Variants in SMG1 observed in about 807,000 individuals in gnomAD.
SMG1 encodes the protein SMG1 nonsense mediated mRNA decay associated PI3K related kinase, also known as serine/threonine-protein kinase SMG1.
SMG1 carries 22 observed loss-of-function variants against 419.9 expected under a neutral mutation model. The ratio of observed to expected loss-of-function variants is 0.05; its 90% confidence interval spans 0.04 to 0.07. The LOEUF is 0.07. SMG1 is among the 10% of genes least tolerant of loss of function. SMG1 has a pLI of 1.00. For missense variants in SMG1, 3,185 were observed against 4,342.0 expected (o/e 0.73, Z 7.49); for synonymous variants, 1,538 against 1,553.5 (o/e 0.99, Z 0.23).
chr16:18,869,448 T>TC, intron 19 of SMG1, 145 bp from the exon 20 acceptor site: 1 of 686,316 alleles, frequency 1.5e-6, no homozygotes, highest in South Asian at 1.9e-5. Flanking sequence ...AAGCATTGTG[T>TC]CCCCCCTCTC....
chr16:18,925,463 C>G (rs2038355159), intron 1 of SMG1: 1 of 154,074 alleles, frequency 6.5e-6, no homozygotes. Context: ...AATGCCTTAG[C>G]TGGAGTTTTG....
chr16:18,874,956 T>C (rs1416436015), intron 13 of SMG1: 1 of 142,140 alleles, frequency 7.0e-6, no homozygotes, highest in Non-Finnish European at 1.5e-5. Flanking sequence ...GTATCCCTCA[T>C]TCATAATGCT....
rs1285055615 is a variant in SMG1 at position 18,827,558 on chromosome 16, C to A, written c.9741+473G>T. On this transcript the variant is annotated intron_variant, in intron 55 of 62. Transcript: ENST00000446231. The stretch of plus-strand genomic sequence containing the variant: ...TACCAAAATATATTTTTTTATATAT[C>A]TTTGGTATAAATATACCAAAATATA... 2.3e-4 allele frequency among the ~76,000 whole-genome samples: 30 copies of A among 129,916 alleles called. 2 individuals are homozygous for A. The highest frequency in any genetic ancestry group is 6.6e-4 in the African/African-American group (21 of 31,974). The allele number at this position is 129,916 out of a possible 152,430, so 85.2% of individuals were successfully genotyped here. A position where few individuals can be genotyped will look rare whatever the true frequency, so the allele number is the denominator to read the frequency against.
chr16:18,879,264 C>T (rs973318760), intron 11 of SMG1: 8 of 507,602 alleles, frequency 1.6e-5, no homozygotes, highest in Admixed American at 6.1e-5. Flanking sequence ...TACAGGTGCA[C>T]GCCACTACAC....
rs919277893 is a variant in SMG1, at chr16:18,806,553, A to G, written c.*3016T>C. The G allele has an allele frequency of 1.3e-5, 2 of 152,248 alleles. No homozygotes were observed. Among genetic ancestry groups the G allele is most frequent in the Non-Finnish European group, 2.9e-5 (2 of 68,024 alleles). 9.4% of individuals were successfully genotyped at this position (152,248 alleles called of 1,614,324 possible). A position where few individuals can be genotyped will look rare whatever the true frequency, so the allele number is the denominator to read the frequency against. On this transcript the variant is annotated 3_prime_UTR_variant, in exon 63 of 63. Coordinates refer to ENST00000446231, the MANE Select transcript of SMG1 (RefSeq NM_015092.5). ...CTTCAAGACACACCAAAGCAACAGTAAAAGAGAAATAACTACACAAGCTAA... is the reference window on the plus strand; with the variant it reads ...CTTCAAGACACACCAAAGCAACAGTGAAAGAGAAATAACTACACAAGCTAA...
chr16:18,903,715 G>A (rs1358627463), intron 1 of SMG1, among the ~76,000 whole-genome samples: 3 of 152,094 alleles, frequency 2.0e-5, no homozygotes, highest in Admixed American at 6.6e-5. Flanking sequence ...GCTTGTAAAA[G>A]GCAGAGCCAG....
chr16:18,902,635 A>C (rs1488815941), intron 1 of SMG1, among the ~76,000 whole-genome samples: 1 of 151,134 alleles, frequency 6.6e-6, no homozygotes, highest in East Asian at 2.0e-4. Context: ...GGGAGGGAGG[A>C]GGTCAGGGCA....
intron 23 of SMG1, among the ~76,000 whole-genome samples, chr16:18,865,046 A>G (rs936353812): frequency 2.8e-4 from 43 of 152,384 alleles, no homozygotes; most frequent in Middle Eastern, 3.4e-3. Context: ...GAAAAGATGC[A>G]CAAGTAACAG....
chr16:18,891,623 G>A (rs532580584), intron 4 of SMG1, among the ~76,000 whole-genome samples: 1 of 152,050 alleles, frequency 6.6e-6, no homozygotes, highest in Admixed American at 6.6e-5. Context: ...TAGTAGAGAT[G>A]GGGCTTCACT....
intron 1 of SMG1, among the ~76,000 whole-genome samples, chr16:18,920,378 G>C (rs1343613546): frequency 8.6e-6 from 1 of 116,944 alleles, no homozygotes; most frequent in Admixed American, 9.7e-5. Flanking sequence ...GCAAAACTCC[G>C]TCTCAAAAAA....
intron 1 of SMG1, among the ~76,000 whole-genome samples, chr16:18,918,355 C>T (rs1423456924): frequency 1.3e-5 from 2 of 152,208 alleles, no homozygotes; most frequent in African/African-American, 4.8e-5. Flanking sequence ...GCTTCAGCTT[C>T]ACCTCTTATT....
intron 6 of SMG1, among the ~76,000 whole-genome samples, chr16:18,888,849 G>T (rs1488842926): frequency 8.2e-6 from 1 of 121,346 alleles, no homozygotes; most frequent in African/African-American, 3.3e-5. Flanking sequence ...TTGAGACACA[G>T]TCTCACTCTG....
At position 18,842,218 on chromosome 16, in the gene SMG1, A is replaced by G. The variant is rs761587840; in HGVS notation, c.6456T>C (p.Tyr2152=). 6.8e-6 allele frequency: 11 copies of G among 1,613,214 alleles called. No homozygotes were observed. In the African/African-American group the frequency reaches 8.0e-5, roughly 12 times the overall value. The change falls in exon 40 of 63, where the codon TAT becomes TAC. Residue 2152 remains tyrosine, a synonymous_variant. Transcript: ENST00000446231. ...AGTCTTAAATCCTACCTTTGAAAAG[A>G]TAAGGATAGCTCTTCCCATCTGATC... is the stretch of plus-strand genomic sequence containing the variant. ...FLGSDGKSYP[Y]LFKGLEDLHL... is the part of the protein sequence containing the mutation.
chr16:18,873,306 C>A (rs1324567406), intron 13 of SMG1, among the ~76,000 whole-genome samples: 2 of 152,148 alleles, frequency 1.3e-5, no homozygotes, highest in African/African-American at 4.8e-5. Flanking sequence ...GCAACCTCCA[C>A]CTCCGGGGTT....
chr16:18,814,770 G>GT, intron 60 of SMG1, among the ~76,000 whole-genome samples: 1 of 151,158 alleles, frequency 6.6e-6, no homozygotes, highest in Admixed American at 6.6e-5. Flanking sequence ...TAGAGACAAG[G>GT]TTTCACCATG....
At chr16:18,886,883 A>T (rs1021936153) in intron 6 of SMG1, among the ~76,000 whole-genome samples, 10 of 152,204 alleles carry the variant, frequency 6.6e-5, no homozygotes, top group Non-Finnish European at 4.4e-5. Flanking sequence ...CAATGCTAAA[A>T]ATCATTTAAA....
chr16:18,908,797 G>A (rs993387019), intron 1 of SMG1, among the ~76,000 whole-genome samples: 2 of 150,816 alleles, frequency 1.3e-5, no homozygotes, highest in African/African-American at 2.4e-5. Context: ...GGAGAATGGC[G>A]TGAGCGCGGG....
chr16:18,812,422 T>A (rs1006409105), intron 60 of SMG1, among the ~76,000 whole-genome samples: 1 of 152,012 alleles, frequency 6.6e-6, no homozygotes, highest in Non-Finnish European at 1.5e-5. Flanking sequence ...GAGGCTGAAG[T>A]GGGCGGATCA....
chr16:18,885,800 TAAA>T, intron 6 of SMG1, 134 bp from the exon 7 acceptor site: 54 of 630,742 alleles, frequency 8.6e-5, no homozygotes, highest in East Asian at 1.8e-4. Context: ...TAGTTTTAGT[TAAA>T]AAAAAAAAAA....
Sources: gnomAD v4.1 joint callset for allele counts (sites outside exome capture counted in the v4.1 genomes callset) on GRCh38, gnomAD v4.1.1 for gene constraint, MANE v1.5 for transcripts, NCBI Gene and HGNC (gene_info 2026-07-23, HGNC 2026-07-21) for gene names.